Variants in IQCM observed in about 807,000 individuals in gnomAD.
The protein encoded by IQCM is IQ motif containing M.
A neutral mutation model predicts 57.6 loss-of-function variants in IQCM; 45 were observed. The observed-to-expected ratio is 0.78, with a 90% CI of 0.62 to 1.00. IQCM has a LOEUF of 1.00. Among genes scored for constraint, IQCM ranks in the 50% least tolerant of loss-of-function variants. The pLI is 0.00. For synonymous variants in IQCM, 148 were observed against 158.9 expected, an observed-to-expected ratio of 0.93 and a Z score of 0.51; for missense variants, 468 against 511.6, an observed-to-expected ratio of 0.91 and a Z score of 0.82.
chr4:149,786,277 T>C (rs1163960025), intron 2 of IQCM, among the ~76,000 whole-genome samples: 1 of 152,146 alleles, frequency 6.6e-6, no homozygotes, highest in African/African-American at 2.4e-5. Context: ...GGCAAGCTCC[T>C]TGAGTTGAAG....
In IQCM at chr4:149,596,350, C is replaced by T. The variant is rs1033047247; in HGVS notation, c.682-8353G>A. ...GAGCTGATGGGAAAGTAATGGAATT[C>T]CATTCTGGCCAAACACTGAAATGTT... On this transcript the variant is annotated intron_variant, in intron 8 of 13. Transcript: ENST00000636793. Among the ~76,000 whole-genome samples, 3 of 152,072 alleles carry T rather than the reference C, an allele frequency of 2.0e-5. No individual in the cohort carries two copies. In the South Asian group the frequency reaches 6.2e-4, roughly 32 times the overall value.
At chr4:149,433,909 C>A (rs551683023) in intron 12 of IQCM, among the ~76,000 whole-genome samples, 1 of 152,088 alleles carries the variant, frequency 6.6e-6, no homozygotes, top group African/African-American at 2.4e-5. Context: ...TGGAATCAGA[C>A]TAATCTGACA....
chr4:149,421,219 G>A (rs760598030), intron 13 of IQCM, among the ~76,000 whole-genome samples: 1 of 151,954 alleles, frequency 6.6e-6, no homozygotes, highest in Non-Finnish European at 1.5e-5. Context: ...ATACACTTTA[G>A]AGTATTCGTT....
At chr4:149,413,182 C>A (rs1733507129) in intron 13 of IQCM, among the ~76,000 whole-genome samples, 2 of 152,190 alleles carry the variant, frequency 1.3e-5, no homozygotes, top group Non-Finnish European at 2.9e-5. Context: ...CCTAATAGTT[C>A]ATTCTATGTC....
At chr4:149,713,854 T>A (rs12501932) in intron 5 of IQCM, among the ~76,000 whole-genome samples, 2 of 151,964 alleles carry the variant, frequency 1.3e-5, no homozygotes, top group African/African-American at 4.8e-5. Context: ...TTCCTTCACT[T>A]GTGATTTTCC....
intron 12 of IQCM, among the ~76,000 whole-genome samples, chr4:149,528,390 C>T (rs1746391738): frequency 7.1e-6 from 1 of 140,836 alleles, no homozygotes; most frequent in South Asian, 2.1e-4. Flanking sequence ...CTTATCAATT[C>T]TTTGAGTTAA....
chr4:149,516,890 G>C (rs1012655588), intron 12 of IQCM, among the ~76,000 whole-genome samples: 2 of 152,016 alleles, frequency 1.3e-5, no homozygotes, highest in African/African-American at 4.8e-5. Flanking sequence ...GGGAGTTACA[G>C]TGTTGGCTGG....
intron 10 of IQCM, among the ~76,000 whole-genome samples, chr4:149,559,366 C>G (rs980186456): frequency 2.6e-5 from 4 of 152,162 alleles, no homozygotes; most frequent in African/African-American, 4.8e-5. Context: ...CTACCTTCAG[C>G]TTCCTTTACT....
intron 13 of IQCM, among the ~76,000 whole-genome samples, chr4:149,419,935 C>T (rs1225597938): frequency 6.6e-6 from 1 of 152,032 alleles, no homozygotes; most frequent in Non-Finnish European, 1.5e-5. Context: ...ATCGAAACCA[C>T]AATGAGATAG....
chr4:149,579,396 T>A (rs1198096534), intron 9 of IQCM, among the ~76,000 whole-genome samples: 1 of 151,818 alleles, frequency 6.6e-6, no homozygotes, highest in Admixed American at 6.6e-5. Context: ...CTAACTCAGG[T>A]TTACCAGAGA....
intron 7 of IQCM, among the ~76,000 whole-genome samples, chr4:149,638,231 G>A (rs1460632711): frequency 2.6e-5 from 4 of 151,952 alleles, no homozygotes; most frequent in East Asian, 1.9e-4. Flanking sequence ...AACCCCAATG[G>A]GTAAACCCAC....
In IQCM at chr4:149,523,385, T is replaced by C. The variant is rs528507807; in HGVS notation, c.1228+25070A>G. Among the ~76,000 whole-genome samples, 3 of 152,040 alleles carry C rather than the reference T, an allele frequency of 2.0e-5. No homozygotes were observed. In the South Asian group the frequency reaches 6.2e-4, roughly 32 times the overall value. On this transcript the variant is annotated intron_variant, in intron 12 of 13. Coordinates refer to ENST00000636793, the MANE Select transcript of IQCM (RefSeq NM_001363507.2). ...AACAACATAGGAAGTTAAAAGACAG[T>C]TGAAAAAAATCCTCAGGTTGTCAGG... is the stretch of plus-strand genomic sequence containing the variant.
At chr4:149,614,090 C>A (rs183069950) in intron 8 of IQCM, among the ~76,000 whole-genome samples, 3 of 152,060 alleles carry the variant, frequency 2.0e-5, no homozygotes, top group Admixed American at 1.3e-4. Flanking sequence ...ACCAGCAATT[C>A]TTTTTTATTC....
chr4:149,697,052 A>C (rs1763393984), intron 5 of IQCM, among the ~76,000 whole-genome samples: 1 of 152,106 alleles, frequency 6.6e-6, no homozygotes, highest in Non-Finnish European at 1.5e-5. Context: ...TATCTTTTAA[A>C]AATAGAAATC....
intron 12 of IQCM, among the ~76,000 whole-genome samples, chr4:149,513,219 G>C (rs763966309): frequency 6.6e-6 from 1 of 152,174 alleles, no homozygotes; most frequent in African/African-American, 2.4e-5. Context: ...TGAGGAGAGA[G>C]AGCTGGATAT....
intron 12 of IQCM, among the ~76,000 whole-genome samples, chr4:149,494,834 G>A (rs1742484680): frequency 6.6e-6 from 1 of 152,106 alleles, no homozygotes; most frequent in Admixed American, 6.6e-5. Context: ...GTAGTCATGG[G>A]AGGACTTTAA....
chr4:149,400,613 A>C (rs542311461), intron 13 of IQCM, among the ~76,000 whole-genome samples: 1 of 152,174 alleles, frequency 6.6e-6, no homozygotes. Context: ...AATATTCAGA[A>C]AAACGAATGA....
chr4:149,498,022 T>C (rs1742852132), intron 12 of IQCM, among the ~76,000 whole-genome samples: 2 of 152,080 alleles, frequency 1.3e-5, no homozygotes, highest in Non-Finnish European at 2.9e-5. Context: ...CCCAGATATA[T>C]TATTGGAAAA....
At chr4:149,439,092 C>T (rs563888212) in intron 12 of IQCM, among the ~76,000 whole-genome samples, 2 of 152,080 alleles carry the variant, frequency 1.3e-5, no homozygotes, top group Non-Finnish European at 2.9e-5. Context: ...GAATATTCTT[C>T]ACTACACATT....
Sources: allele counts gnomAD v4.1 joint callset (sites outside exome capture counted in the v4.1 genomes callset), GRCh38; gene constraint gnomAD v4.1.1; transcripts MANE v1.5; gene names NCBI Gene and HGNC (gene_info 2026-07-23, HGNC 2026-07-21).